LDB2: variants seen among roughly 807,000 people sequenced by gnomAD.
The protein encoded by LDB2 is LIM domain binding 2.
A neutral mutation model predicts 44.3 loss-of-function variants in LDB2; 12 were observed. That is an observed-to-expected ratio of 0.27 (90% confidence interval 0.17 to 0.44). The LOEUF (loss-of-function observed/expected upper bound fraction) is 0.44. LDB2 is among the 20% of genes least tolerant of loss of function. LDB2 has a pLI of 1.00. For missense variants in LDB2, 344 were observed against 473.5 expected, an observed-to-expected ratio of 0.73 and a Z score of 2.54; for synonymous variants, 164 against 174.8, an observed-to-expected ratio of 0.94 and a Z score of 0.49.
At chr4:16,820,575 C>G (rs1469426241) in intron 1 of LDB2, among the ~76,000 whole-genome samples, 1 of 152,166 alleles carries the variant, frequency 6.6e-6, no homozygotes, top group Non-Finnish European at 1.5e-5. Context: ...CCATACCGGG[C>G]AGAGCTTTCC....
intron 3 of LDB2, among the ~76,000 whole-genome samples, chr4:16,591,873 CT>C (rs34124156): frequency 0.23 from 33,248 of 147,154 alleles, 3,663 homozygotes; most frequent in East Asian, 0.32. Flanking sequence ...TGAAGTCGGC[CT>C]TTTTTTTTTT....
chr4:16,620,704 G>T (rs556700565), intron 2 of LDB2, among the ~76,000 whole-genome samples: 9 of 152,242 alleles, frequency 5.9e-5, no homozygotes, highest in Admixed American at 5.2e-4. Context: ...TCCTCTTCCT[G>T]TTCTTGAATA....
At chr4:16,849,241 TTAAA>T (rs932479430) in intron 1 of LDB2, among the ~76,000 whole-genome samples, 9 of 152,188 alleles carry the variant, frequency 5.9e-5, no homozygotes, top group African/African-American at 1.9e-4. Context: ...ATGTCTTTGT[TTAAA>T]TATCACTTCC....
intron 2 of LDB2, chr4:16,626,982 A>T (rs1333270852): frequency 6.6e-6 from 1 of 152,204 alleles, no homozygotes; most frequent in East Asian, 1.9e-4. Flanking sequence ...GAGACAGAAC[A>T]CAGAGAACTG....
intron 2 of LDB2, among the ~76,000 whole-genome samples, chr4:16,702,794 C>T (rs1259699577): frequency 6.6e-6 from 1 of 152,210 alleles, no homozygotes. Context: ...TCATTCCTCA[C>T]CATAACTTAT....
At chr4:16,549,089 C>T (rs913242305) in intron 5 of LDB2, among the ~76,000 whole-genome samples, 1 of 152,144 alleles carries the variant, frequency 6.6e-6, no homozygotes, top group South Asian at 2.1e-4. Flanking sequence ...CTGGTGTAGG[C>T]CATTCTCCTG....
At chr4:16,766,328 G>A (rs1769192768) in intron 1 of LDB2, among the ~76,000 whole-genome samples, 1 of 151,216 alleles carries the variant, frequency 6.6e-6, no homozygotes, top group Non-Finnish European at 1.5e-5. Context: ...CCTTAACTGT[G>A]ATTTGTTTAA....
At chr4:16,540,770 C>CTGT (rs1733486352) in intron 5 of LDB2, among the ~76,000 whole-genome samples, 1 of 152,008 alleles carries the variant, frequency 6.6e-6, no homozygotes, top group Non-Finnish European at 1.5e-5. Context: ...TTGAGGACCC[C>CTGT]AAGTCAGGTT....
intron 1 of LDB2, among the ~76,000 whole-genome samples, chr4:16,799,039 G>C (rs564705221): frequency 6.6e-6 from 1 of 152,072 alleles, no homozygotes; most frequent in African/African-American, 2.4e-5. Context: ...ATTTTTAGTA[G>C]AGACCGGGTT....
intron 1 of LDB2, among the ~76,000 whole-genome samples, chr4:16,773,032 G>C (rs1244636221): frequency 6.6e-6 from 1 of 152,162 alleles, no homozygotes; most frequent in African/African-American, 2.4e-5. Context: ...GAGGAGTGTG[G>C]AGACAATTGG....
chr4:16,551,192 G>A (rs1301067847), intron 5 of LDB2, among the ~76,000 whole-genome samples: 1 of 152,146 alleles, frequency 6.6e-6, no homozygotes, highest in East Asian at 1.9e-4. Flanking sequence ...TAGGAGGGTC[G>A]ATTGAGGTTG....
chr4:16,683,220 T>C (rs1748396251), intron 2 of LDB2, among the ~76,000 whole-genome samples: 1 of 152,180 alleles, frequency 6.6e-6, no homozygotes, highest in Admixed American at 6.5e-5. Context: ...GTTTGGAAAA[T>C]TCCCCTTGTA....
chr4:16,620,012 G>A (rs1728436151), intron 2 of LDB2, among the ~76,000 whole-genome samples: 1 of 152,132 alleles, frequency 6.6e-6, no homozygotes, highest in Non-Finnish European at 1.5e-5. Flanking sequence ...GCTAGTGTAG[G>A]AGGATCTTGT....
chr4:16,779,344 C>A (rs1026264653), intron 1 of LDB2, among the ~76,000 whole-genome samples: 1 of 152,178 alleles, frequency 6.6e-6, no homozygotes, highest in East Asian at 1.9e-4. Context: ...CATCTAAAAC[C>A]TTTTATGGCT....
At chr4:16,517,887 ATGG>A (rs1252652017) in intron 5 of LDB2, among the ~76,000 whole-genome samples, 1 of 80,164 alleles carries the variant, frequency 1.2e-5, no homozygotes, top group East Asian at 2.8e-4. Flanking sequence ...GAGTGGATGG[ATGG>A]ATGGATGGAT....
chr4:16,866,523 A>T (rs556339872), intron 1 of LDB2, among the ~76,000 whole-genome samples: 223 of 152,314 alleles, frequency 1.5e-3, no homozygotes, highest in Non-Finnish European at 2.4e-3. Context: ...AGATGAAGAA[A>T]TTGAGCCTCA....
intron 2 of LDB2, among the ~76,000 whole-genome samples, chr4:16,610,571 C>A (rs1266315103): frequency 6.6e-6 from 1 of 151,198 alleles, no homozygotes; most frequent in African/African-American, 2.4e-5. Flanking sequence ...GAAGCAGACA[C>A]AAGTATCAAC....
rs546001757 is a variant in LDB2, at chr4:16,609,409, G to T, written c.236-13534C>A. ...GCTGTCTAAGCCATTTGAGCTCCTTGGGGGAGGGGCAGCAGCCAGCACTGG... is the reference window on the plus strand; with the variant it reads ...GCTGTCTAAGCCATTTGAGCTCCTTTGGGGAGGGGCAGCAGCCAGCACTGG... On this transcript the variant is annotated intron_variant, in intron 2 of 7. Transcript: ENST00000304523. Among the ~76,000 whole-genome samples, 9 of 151,930 alleles carry T rather than the reference G, an allele frequency of 5.9e-5. No homozygotes were observed. In the East Asian group the frequency reaches 1.7e-3, roughly 30 times the overall value.
At chr4:16,640,164 G>C (rs1216846294) in intron 2 of LDB2, among the ~76,000 whole-genome samples, 2 of 152,198 alleles carry the variant, frequency 1.3e-5, no homozygotes, top group African/African-American at 4.8e-5. Context: ...CATCTGTTTA[G>C]TGACTTATAA....
Sources: gnomAD v4.1 joint callset for allele counts (sites outside exome capture counted in the v4.1 genomes callset) on GRCh38, gnomAD v4.1.1 for gene constraint, MANE v1.5 for transcripts, NCBI Gene and HGNC (gene_info 2026-07-23, HGNC 2026-07-21) for gene names.